Variants in TTLL5 observed in about 807,000 individuals in gnomAD.
The protein encoded by TTLL5 is tubulin polyglutamylase TTLL5.
TTLL5 carries 132 observed loss-of-function variants against 168.4 expected under a neutral mutation model. That is an observed-to-expected ratio of 0.78 (90% CI 0.68 to 0.91). The LOEUF is 0.91. TTLL5 is among the 40% of genes least tolerant of loss of function. The pLI, the probability that TTLL5 is intolerant of heterozygous loss-of-function variation, is 0.00. For synonymous variants in TTLL5, 546 were observed against 558.6 expected (o/e 0.98, Z 0.32); for missense variants, 1,545 against 1,581.5 (o/e 0.98, Z 0.39).
intron 29 of TTLL5, among the ~76,000 whole-genome samples, chr14:75,867,910 GC>G (rs1216866805): frequency 6.6e-6 from 1 of 152,134 alleles, no homozygotes; most frequent in Non-Finnish European, 1.5e-5. Flanking sequence ...CTGTCTTCCT[GC>G]CCCTGAAGGA....
chr14:75,686,523 T>C (rs190774541), intron 5 of TTLL5, among the ~76,000 whole-genome samples: 13 of 152,346 alleles, frequency 8.5e-5, no homozygotes, highest in Admixed American at 8.5e-4. Flanking sequence ...GTTGGGCAGT[T>C]ATTGCTATGG....
chr14:75,924,859 G>A, intron 31 of TTLL5, among the ~76,000 whole-genome samples: 1 of 151,858 alleles, frequency 6.6e-6, no homozygotes, highest in East Asian at 1.9e-4. Context: ...AGTAGGGGCG[G>A]CCGGGCAGAG....
At chr14:75,947,729 T>C (rs541832852) in intron 31 of TTLL5, among the ~76,000 whole-genome samples, 1 of 151,912 alleles carries the variant, frequency 6.6e-6, no homozygotes, top group East Asian at 1.9e-4. Context: ...AGTATCACTC[T>C]AGCCCAGGAG....
chr14:75,855,163 A>G (rs397695455), intron 28 of TTLL5, among the ~76,000 whole-genome samples: 1 of 140,506 alleles, frequency 7.1e-6, no homozygotes, highest in African/African-American at 2.7e-5. Flanking sequence ...AAAAAAAAAA[A>G]AAAGAAATAA....
chr14:75,662,631 G>T (rs370471476), intron 1 of TTLL5, among the ~76,000 whole-genome samples: 11 of 151,820 alleles, frequency 7.2e-5, no homozygotes, highest in African/African-American at 2.4e-4. Context: ...GAGCCACCCT[G>T]CCCGGCCTGC....
chr14:75,792,311 A>G (rs1389182691), intron 26 of TTLL5, among the ~76,000 whole-genome samples: 1 of 151,896 alleles, frequency 6.6e-6, no homozygotes, highest in Non-Finnish European at 1.5e-5. Flanking sequence ...AACATGGCAC[A>G]TGTATACATA....
At position 75,775,526 on chromosome 14, in the gene TTLL5, C is replaced by T. The variant is rs1891667199; in HGVS notation, c.2179C>T (p.Gln727Ter). 3 of 1,613,900 alleles carry T rather than the reference C, an allele frequency of 1.9e-6. No homozygotes were observed. The highest frequency in any genetic ancestry group is 2.2e-5 in the East Asian group (1 of 44,892). ...RFLKRASNNL[Q>*]HSLRMVLPSR... ...CCTCAAGCGAGCATCAAATAACCTC[C>T]AGCATTCACTGAGGATGGTATTACC... The change falls in exon 22 of 32, where the codon CAG becomes TAG. Residue 727 changes from glutamine to a stop codon, truncating the protein, a stop_gained. Transcript: ENST00000298832. LOFTEE classifies it high-confidence loss of function.
chr14:75,677,142 AT>A (rs914491757), intron 3 of TTLL5, among the ~76,000 whole-genome samples: 7 of 151,992 alleles, frequency 4.6e-5, no homozygotes, highest in African/African-American at 1.2e-4. Context: ...GACTTTTATT[AT>A]TTTTTTACTA....
At chr14:75,671,150 T>C (rs1021832602) in intron 3 of TTLL5, among the ~76,000 whole-genome samples, 2 of 152,206 alleles carry the variant, frequency 1.3e-5, no homozygotes, top group African/African-American at 4.8e-5. Flanking sequence ...GCAAAATTAG[T>C]TGAAGAGACT....
chr14:75,752,827 T>C, intron 17 of TTLL5, 66 bp from the exon 18 acceptor site: 3 of 1,443,140 alleles, frequency 2.1e-6, no homozygotes, highest in Non-Finnish European at 2.9e-6. Context: ...TGATTCATGG[T>C]TGTATTTCTA....
Position 75,699,172 on chromosome 14 carries a change from C to G in TTLL5, c.503-16C>G. On this transcript the variant is annotated splice_polypyrimidine_tract_variant and intron_variant, in intron 6 of 31. Coordinates refer to ENST00000298832, the MANE Select transcript of TTLL5 (RefSeq NM_015072.5). ...CTTTGTTTCCTCTGTTTTTTATCTC[C>G]CAATATTTTGAGCAGATTCATATTC... 1.2e-6 allele frequency: 2 copies of G among 1,604,976 alleles called. No homozygotes were observed. Among genetic ancestry groups the G allele is most frequent in the Non-Finnish European group, 8.5e-7 (1 of 1,172,098 alleles).
At chr14:75,698,719 A>G (rs1224270693) in intron 6 of TTLL5, among the ~76,000 whole-genome samples, 1 of 152,036 alleles carries the variant, frequency 6.6e-6, no homozygotes, top group Non-Finnish European at 1.5e-5. Context: ...CCTGGGCAAC[A>G]TAGAGAAACC....
At chr14:75,885,902 A>G (rs1016173728) in intron 30 of TTLL5, among the ~76,000 whole-genome samples, 9 of 152,254 alleles carry the variant, frequency 5.9e-5, no homozygotes, top group Non-Finnish European at 4.4e-5. Context: ...GTTAGGTACT[A>G]TTATGCATTT....
intron 31 of TTLL5, among the ~76,000 whole-genome samples, chr14:75,915,854 A>G (rs1033368544): frequency 6.6e-6 from 1 of 152,002 alleles, no homozygotes; most frequent in African/African-American, 2.4e-5. Flanking sequence ...TAAGTCGGAC[A>G]TGGTGGCTCC....
At position 75,820,067 on chromosome 14, in the gene TTLL5, A is replaced by G. The variant is rs1473128364; in HGVS notation, c.3232A>G (p.Thr1078Ala). 6.2e-7 allele frequency: 1 copy of G among 1,607,208 alleles called. No homozygotes were observed. The highest frequency in any genetic ancestry group is 2.3e-5 in the East Asian group (1 of 44,000). ...INRSSASAPP[T>A]LRPIISPSGP... ...CAGAAGCAGTGCTTCAGCTCCCCCAACCCTCCGACCCATCATCAGTCCTAG... is the reference window on the plus strand; with the variant it reads ...CAGAAGCAGTGCTTCAGCTCCCCCAGCCCTCCGACCCATCATCAGTCCTAG... The change falls in exon 28 of 32, where the codon ACC (threonine) becomes GCC (alanine). Residue 1078 changes from threonine to alanine, a missense_variant. By Grantham distance (58) the Thr-to-Ala change is moderately conservative. Coordinates refer to ENST00000298832, the MANE Select transcript of TTLL5 (RefSeq NM_015072.5).
Position 75,910,357 on chromosome 14 carries a change from TC to T in TTLL5, c.3823+8135del, listed in dbSNP as rs2033323035. Among the ~76,000 whole-genome samples, 3 of 152,198 alleles carry T rather than the reference TC, an allele frequency of 2.0e-5. No individual in the cohort carries two copies. In the South Asian group the frequency reaches 6.2e-4, roughly 32 times the overall value. ...TACATCTTGCTGCAGAGTTGTGTGG[TC>T]CTGTGTAATATCCATGCACTTTGGA... On this transcript the variant is annotated intron_variant, in intron 31 of 31. Transcript: ENST00000298832.
chr14:75,721,678 A>G (rs1024536533), intron 12 of TTLL5, among the ~76,000 whole-genome samples: 9 of 152,142 alleles, frequency 5.9e-5, no homozygotes, highest in Non-Finnish European at 7.3e-5. Flanking sequence ...GGTGGTGTCT[A>G]CCTCCTGAGA....
chr14:75,707,816 T>C, intron 9 of TTLL5, 109 bp downstream of exon 9: 1 of 929,640 alleles, frequency 1.1e-6, no homozygotes, highest in Non-Finnish European at 1.7e-6. Context: ...TATTTTTACT[T>C]GTCATTACTG....
chr14:75,687,069 T>G (rs1885116085), intron 5 of TTLL5, among the ~76,000 whole-genome samples: 1 of 152,234 alleles, frequency 6.6e-6, no homozygotes, highest in South Asian at 2.1e-4. Flanking sequence ...ATTTGAAATC[T>G]GTTTTAGAAT....
Sources: gnomAD v4.1 joint callset for allele counts (sites outside exome capture counted in the v4.1 genomes callset) on GRCh38, gnomAD v4.1.1 for gene constraint, MANE v1.5 for transcripts, NCBI Gene and HGNC (gene_info 2026-07-23, HGNC 2026-07-21) for gene names.